HTR5A: variants seen among roughly 807,000 people sequenced by gnomAD.
The protein encoded by HTR5A is 5-hydroxytryptamine receptor 5A, also known as 5-HT-5.
A neutral mutation model predicts 24.3 loss-of-function variants in HTR5A; 21 were observed. The ratio of observed to expected loss-of-function variants is 0.86; its 90% CI spans 0.61 to 1.24. The LOEUF is 1.24. HTR5A is among the 50% of genes most tolerant of loss of function. The pLI is 0.00. For synonymous variants in HTR5A, 260 were observed against 213.7 expected (o/e 1.22, Z -1.89); for missense variants, 497 against 489.5 (o/e 1.02, Z -0.15).
At chr7:155,072,115 G>A (rs1234134189) in intron 1 of HTR5A, among the ~76,000 whole-genome samples, 6 of 152,138 alleles carry the variant, frequency 3.9e-5, no homozygotes, top group Admixed American at 3.9e-4. Context: ...GGTGATGCAG[G>A]TTAGCATTTC....
At chr7:155,073,453 A>G (rs1311079868) in intron 1 of HTR5A, among the ~76,000 whole-genome samples, 3 of 152,192 alleles carry the variant, frequency 2.0e-5, no homozygotes, top group Non-Finnish European at 4.4e-5. Flanking sequence ...CAAAATGTCA[A>G]TCGTACTGAA....
rs779054725 is a variant in HTR5A, at chr7:155,071,418, T to C, written c.519T>C (p.Ser173=). The stretch of plus-strand genomic sequence containing the variant: ...CCTGGGCACTCTCCGCTGTCATCTC[T>C]CTGGCCCCGCTGCTTTTTGGCTGGG... ...ALTWALSAVI[S]LAPLLFGWGE... Residue 173 remains serine, a synonymous_variant, in exon 1 of 2, where the codon TCT becomes TCC. Coordinates refer to ENST00000287907, the MANE Select transcript of HTR5A (RefSeq NM_024012.4). 1.9e-6 allele frequency: 3 copies of C among 1,614,098 alleles called. No individual in the cohort carries two copies. The African/African-American group carries it at 4.0e-5, about 22-fold the overall frequency.
In HTR5A at chr7:155,070,916, A is replaced by G. The variant is rs1378977807; in HGVS notation, c.17A>G (p.Asn6Ser). Residue 6 changes from asparagine (N) to serine (S), a missense_variant, in exon 1 of 2, where the codon AAC becomes AGC. Physicochemically the swap from Asn to Ser is conservative, Grantham distance 46. Transcript: ENST00000287907. MDLPVNLTSFSLSTPS... is the reference protein window; with the variant it reads MDLPVSLTSFSLSTPS... The stretch of plus-strand genomic sequence containing the variant: ...GACCCAGAGATGGATTTACCTGTGA[A>G]CCTAACCTCCTTTTCCCTCTCCACC... 1 of 1,602,570 alleles carries G rather than the reference A, an allele frequency of 6.2e-7. No individual in the cohort carries two copies. Among genetic ancestry groups the G allele is most frequent in the Non-Finnish European group, 8.5e-7 (1 of 1,179,120 alleles).
Position 155,086,729 on chromosome 7 carries a change from T to C in HTR5A, c.*2242T>C, listed in dbSNP as rs1795481413. Among the ~76,000 whole-genome samples, 1 of 152,236 alleles carries C rather than the reference T, an allele frequency of 6.6e-6. No individual in the cohort carries two copies. The highest frequency in any genetic ancestry group is 1.5e-5 in the Non-Finnish European group (1 of 68,038). Reference sequence around the variant, plus strand: ...TTCCATTTCAATAGTAAAAGTTGTTTATACCCTGGTAAGAAATGTAGACAT... The same window carrying C: ...TTCCATTTCAATAGTAAAAGTTGTTCATACCCTGGTAAGAAATGTAGACAT... On this transcript the variant is annotated 3_prime_UTR_variant, in exon 2 of 2. Transcript: ENST00000287907.
chr7:155,076,435 A>G (rs1172680811), intron 1 of HTR5A, among the ~76,000 whole-genome samples: 2 of 152,226 alleles, frequency 1.3e-5, no homozygotes, highest in African/African-American at 2.4e-5. Flanking sequence ...AAGGTCCATA[A>G]TTTAAGCATT....
At chr7:155,075,744 T>C (rs1795352717) in intron 1 of HTR5A, among the ~76,000 whole-genome samples, 1 of 152,254 alleles carries the variant, frequency 6.6e-6, no homozygotes, top group African/African-American at 2.4e-5. Context: ...AACTGAAGGC[T>C]ATTCTATTCA....
At chr7:155,076,967 G>A (rs1795365275) in intron 1 of HTR5A, among the ~76,000 whole-genome samples, 2 of 152,140 alleles carry the variant, frequency 1.3e-5, no homozygotes, top group Admixed American at 6.5e-5. Context: ...TCCACCCAGA[G>A]CATGGCCCCA....
At chr7:155,077,077 A>T (rs911309754) in intron 1 of HTR5A, 24 of 152,200 alleles carry the variant, frequency 1.6e-4, no homozygotes, top group African/African-American at 5.8e-4. Flanking sequence ...CTAGTTGTGG[A>T]GTCTCTTGTC....
intron 1 of HTR5A, among the ~76,000 whole-genome samples, chr7:155,075,007 A>G (rs1795345564): frequency 6.6e-6 from 1 of 152,224 alleles, no homozygotes; most frequent in Admixed American, 6.5e-5. Context: ...AGATCTAGTT[A>G]CTTGACACAA....
At position 155,071,385 on chromosome 7, in the gene HTR5A, C is replaced by A. The variant is rs764574132; in HGVS notation, c.486C>A (p.Ile162=). The change falls in exon 1 of 2, where the codon ATC becomes ATA. Residue 162 remains isoleucine, a synonymous_variant. Coordinates refer to ENST00000287907, the MANE Select transcript of HTR5A (RefSeq NM_024012.4). ...GCAAGTGCGTCTCCAACGTCATGAT[C>A]GCGCTCACCTGGGCACTCTCCGCTG... is the stretch of plus-strand genomic sequence containing the variant. ...RTRKCVSNVM[I]ALTWALSAVI... The A allele has an allele frequency of 3.0e-5, 49 of 1,614,082 alleles. No homozygotes were observed. The highest frequency in any genetic ancestry group is 4.2e-5 in the Non-Finnish European group (49 of 1,180,046).
chr7:155,072,265 C>T (rs1795305805), intron 1 of HTR5A, among the ~76,000 whole-genome samples: 1 of 152,184 alleles, frequency 6.6e-6, no homozygotes, highest in Non-Finnish European at 1.5e-5. Context: ...GTCCCGGAGC[C>T]TGCATTTGTT....
Position 155,071,057 on chromosome 7 carries a change from C to T in HTR5A, c.158C>T (p.Ala53Val), listed in dbSNP as rs1372976826. The T allele has an allele frequency of 2.5e-6, 4 of 1,609,918 alleles. No individual in the cohort carries two copies. The highest frequency in any genetic ancestry group is 1.7e-5 in the Admixed American group (1 of 60,034). ...ACCTTGCTGGGCTTTCTGGTGGCGG[C>T]GACGTTCGCCTGGAACCTGCTGGTG... ...ILTLLGFLVA[A>V]TFAWNLLVLA... Residue 53 changes from alanine (A) to valine (V), a missense_variant, in exon 1 of 2, where the codon GCG becomes GTG. Ala to Val is a moderately conservative substitution (Grantham distance 64). Transcript: ENST00000287907.
intron 1 of HTR5A, among the ~76,000 whole-genome samples, chr7:155,072,829 C>G (rs905793721): frequency 2.0e-5 from 3 of 152,118 alleles, no homozygotes; most frequent in Non-Finnish European, 4.4e-5. Flanking sequence ...GTAGCTAACT[C>G]TAACCATCCC....
chr7:155,079,824 G>A (rs762767172), intron 1 of HTR5A, among the ~76,000 whole-genome samples: 3 of 152,116 alleles, frequency 2.0e-5, no homozygotes, highest in Non-Finnish European at 4.4e-5. Context: ...ATGGAGAAGG[G>A]GACACATGAT....
At chr7:155,080,091 A>C (rs1408773341) in intron 1 of HTR5A, among the ~76,000 whole-genome samples, 1 of 152,244 alleles carries the variant, frequency 6.6e-6, no homozygotes, top group African/African-American at 2.4e-5. Flanking sequence ...CAACAGAAGA[A>C]GGAGTTCCAG....
At chr7:155,072,710 G>A (rs1383460249) in intron 1 of HTR5A, among the ~76,000 whole-genome samples, 1 of 152,160 alleles carries the variant, frequency 6.6e-6, no homozygotes, top group African/African-American at 2.4e-5. Context: ...TATGGGTTTG[G>A]TGCAAGAGGT....
chr7:155,082,554 T>C (rs1428161059), intron 1 of HTR5A, among the ~76,000 whole-genome samples: 1 of 152,212 alleles, frequency 6.6e-6, no homozygotes, highest in Non-Finnish European at 1.5e-5. Context: ...GTGTTACCAG[T>C]GTCCCCATTG....
intron 1 of HTR5A, chr7:155,074,578 G>A (rs369485010): frequency 1.2e-4 from 18 of 147,708 alleles, no homozygotes; most frequent in African/African-American, 4.5e-4. Flanking sequence ...CAGAACTGAG[G>A]GGCTAACACC....
At chr7:155,074,895 T>A (rs187871240) in intron 1 of HTR5A, 9 of 152,286 alleles carry the variant, frequency 5.9e-5, no homozygotes, top group Middle Eastern at 3.4e-3. Context: ...CGTAGATGAA[T>A]AGCATGACAC....
Sources: gnomAD v4.1 joint callset for allele counts (sites outside exome capture counted in the v4.1 genomes callset) on GRCh38, gnomAD v4.1.1 for gene constraint, MANE v1.5 for transcripts, NCBI Gene and HGNC (gene_info 2026-07-23, HGNC 2026-07-21) for gene names.